Variants in ACOT11 observed in about 807,000 individuals in gnomAD.
ACOT11 encodes the protein acyl-CoA thioesterase 11.
ACOT11 carries 69 observed loss-of-function variants against 77.5 expected under a neutral mutation model. That is an observed-to-expected ratio of 0.89 (90% CI 0.73 to 1.09). ACOT11 has a LOEUF of 1.09. ACOT11 is among the 50% of genes least tolerant of loss of function. The pLI is 0.00. For missense variants in ACOT11, 766 were observed against 813.7 expected (o/e 0.94, Z 0.71); for synonymous variants, 279 against 313.0 (o/e 0.89, Z 1.15).
chr1:54,584,718 A>C lies in ACOT11; in HGVS notation c.97A>C (p.Ser33Arg), dbSNP rs1425813385. The change falls in exon 2 of 16, where the codon AGT becomes CGT. Residue 33 changes from serine (S) to arginine (R), a missense_variant. Ser to Arg is a moderately radical substitution (Grantham distance 110). Transcript: ENST00000343744. The surrounding 1 kb of genome is among the most constrained non-coding windows in gnomAD (Gnocchi z 6.3). ...RKSALRAGND[S>R]AMADGEGYRN... ...GTCAGCCTTACGTGCGGGGAACGAC[A>C]GTGCCATGGCAGACGGCGAGGGATA... The C allele has an allele frequency of 6.2e-7, 1 of 1,614,204 alleles. No homozygotes were observed. Among genetic ancestry groups the C allele is most frequent in the Admixed American group, 1.7e-5 (1 of 60,028 alleles).
intron 13 of ACOT11, 45 bp downstream of exon 13, chr1:54,605,254 T>C (rs1473581489): frequency 6.3e-7 from 1 of 1,596,198 alleles, no homozygotes; most frequent in South Asian, 1.1e-5. Flanking sequence ...TTCTCCGGCC[T>C]GATGAGGGAG....
At chr1:54,585,741 GC>G (rs1194750654) in intron 2 of ACOT11, 93 bp from the exon 3 acceptor site, 11 of 1,313,634 alleles carry the variant, frequency 8.4e-6, no homozygotes, top group Non-Finnish European at 1.2e-5. Flanking sequence ...CTTGGCTTGG[GC>G]GGCTGGAGAA....
chr1:54,621,447 ACT>A (rs966631935), intron 15 of ACOT11: 6 of 152,114 alleles, frequency 3.9e-5, no homozygotes, highest in Non-Finnish European at 7.3e-5. Context: ...ACAGAGCAAG[ACT>A]CTGTCTCAAA....
chr1:54,562,633 GC>G (rs1275094236), intron 1 of ACOT11, among the ~76,000 whole-genome samples: 2 of 142,674 alleles, frequency 1.4e-5, no homozygotes, highest in Admixed American at 1.4e-4. Context: ...GGGCGGAGGG[GC>G]TCCTCACTTC....
intron 1 of ACOT11, among the ~76,000 whole-genome samples, chr1:54,561,695 C>T (rs1653494380): frequency 7.6e-6 from 1 of 132,446 alleles, no homozygotes; most frequent in Non-Finnish European, 1.6e-5. Context: ...AGAGGCGCCC[C>T]TCACCTCCCG....
chr1:54,574,798 C>T (rs751230677), intron 1 of ACOT11, among the ~76,000 whole-genome samples: 12 of 152,206 alleles, frequency 7.9e-5, no homozygotes, highest in African/African-American at 1.7e-4. Context: ...TGAGAACAAA[C>T]GCTGCTAGAG....
At chr1:54,610,596 C>T, downstream of ACOT11, 1 of 1,596,444 alleles carries the variant, frequency 6.3e-7, no homozygotes. Context: ...GGCTGCCATT[C>T]ACAGAACACC....
chr1:54,557,780 C>CT (rs1434381634), intron 1 of ACOT11, among the ~76,000 whole-genome samples: 3 of 152,032 alleles, frequency 2.0e-5, no homozygotes, highest in Admixed American at 6.6e-5. Context: ...TTAGTGGAGG[C>CT]TTTAGGGTTT....
intron 3 of ACOT11, among the ~76,000 whole-genome samples, chr1:54,587,990 A>G (rs1654567354): frequency 6.6e-6 from 1 of 152,094 alleles, no homozygotes; most frequent in Admixed American, 6.5e-5. Flanking sequence ...AGGCAGGCAG[A>G]TTACTTGAGC....
exon 17 of ACOT11, chr1:54,638,815 C>T (rs528849250): frequency 6.6e-6 from 1 of 152,124 alleles, no homozygotes; most frequent in South Asian, 2.1e-4. Context: ...TGTGCTCAGC[C>T]CATTTTTTAT....
At chr1:54,600,615 G>A (rs150379063) in intron 8 of ACOT11, among the ~76,000 whole-genome samples, 157 of 152,250 alleles carry the variant, frequency 1.0e-3, no homozygotes, top group African/African-American at 3.6e-3. Context: ...TCCAAGAGGC[G>A]GAGGTTGCAG....
At chr1:54,603,511 T>C (rs564361445) in intron 10 of ACOT11, among the ~76,000 whole-genome samples, 18 of 152,300 alleles carry the variant, frequency 1.2e-4, no homozygotes, top group African/African-American at 4.1e-4. Flanking sequence ...TGCCAAGCAC[T>C]GTTATTGTGA....
rs1420499292 is a variant in ACOT11, at chr1:54,584,993, C to A, written c.241+131C>A. The A allele has an allele frequency of 9.8e-7, 1 of 1,023,888 alleles. No individual in the cohort carries two copies. Among genetic ancestry groups the A allele is most frequent in the Non-Finnish European group, 1.4e-6 (1 of 711,386 alleles). 63.4% of individuals were successfully genotyped at this position (1,023,888 alleles called of 1,614,324 possible). The stretch of plus-strand genomic sequence containing the variant: ...CATCTTGGCCTTTGCTCATGCTGGT[C>A]CCTTTGTCTGAAATGCCCTTCCTGA... On this transcript the variant is annotated intron_variant, in intron 2 of 15. Transcript: ENST00000343744. This position sits in a 1 kb window ranked among gnomAD's most constrained non-coding sequence, Gnocchi z 6.3.
rs180993014 is a variant in ACOT11, at chr1:54,634,927, A to G, written c.*198A>G. 217 of 513,350 alleles carry G rather than the reference A, an allele frequency of 4.2e-4. 2 individuals are homozygous for G. The highest frequency in any genetic ancestry group is 3.8e-3 in the African/African-American group (197 of 51,520). The allele number at this position is 513,350 out of a possible 1,614,324, so 31.8% of individuals were successfully genotyped here. A position where few individuals can be genotyped will look rare whatever the true frequency, so the allele number is the denominator to read the frequency against. ...AAGAAAACCTGAGGAAAGCGGGACAACCAGTCACAATGAATAATTTAATGG... is the reference window on the plus strand; with the variant it reads ...AAGAAAACCTGAGGAAAGCGGGACAGCCAGTCACAATGAATAATTTAATGG... On this transcript the variant is annotated 3_prime_UTR_variant, in exon 17 of 17. Transcript: ENST00000371316.
At chr1:54,599,634 G>A in intron 8 of ACOT11, 1 of 352,546 alleles carries the variant, frequency 2.8e-6, no homozygotes, top group Non-Finnish European at 4.8e-6. Context: ...GCTGGGTCAG[G>A]GACCCCTCCT....
Position 54,607,813 on chromosome 1 carries a change from G to A in ACOT11, c.1503-129G>A, listed in dbSNP as rs1644047020. On this transcript the variant is annotated intron_variant, in intron 14 of 15. Transcript: ENST00000343744. The surrounding 1 kb of genome is among the most constrained non-coding windows in gnomAD (Gnocchi z 4.5). ...CCGCATTGGGGCTTTAAGAGTCGAT[G>A]TGCCTTGCATCCCCCTGGTGAGGAA... 1.6e-6 allele frequency: 2 copies of A among 1,263,326 alleles called. No homozygotes were observed. Among genetic ancestry groups the A allele is most frequent in the Middle Eastern group, 4.7e-4 (2 of 4,212 alleles). The allele number at this position is 1,263,326 out of a possible 1,614,324, so 78.3% of individuals were successfully genotyped here.
chr1:54,584,634 C>T lies in ACOT11; in HGVS notation c.34-21C>T. On this transcript the variant is annotated intron_variant, in intron 1 of 15. Transcript: ENST00000343744. The surrounding 1 kb of genome is among the most constrained non-coding windows in gnomAD (Gnocchi z 6.3). ...AGCAAGCAGACCTCTCTGTCCCCAC[C>T]TGTCCCCACCTGTACCCCAGGGCTT... 1 of 1,608,052 alleles carries T rather than the reference C, an allele frequency of 6.2e-7. No homozygotes were observed. The highest frequency in any genetic ancestry group is 8.5e-7 in the Non-Finnish European group (1 of 1,178,032).
At chr1:54,608,186 CCCTT>C in intron 15 of ACOT11, 118 bp downstream of exon 15, 2 of 942,684 alleles carry the variant, frequency 2.1e-6, no homozygotes, top group Non-Finnish European at 3.1e-6. Context: ...AGCAGGCTCC[CCCTT>C]CCAGCCTGGG....
At chr1:54,551,574 C>T (rs1044320205) in intron 1 of ACOT11, among the ~76,000 whole-genome samples, 9 of 152,098 alleles carry the variant, frequency 5.9e-5, no homozygotes, top group African/African-American at 1.7e-4. Context: ...CTGGTGCCCT[C>T]GTAGGAGGTG....
Sources: allele counts gnomAD v4.1 joint callset (sites outside exome capture counted in the v4.1 genomes callset), GRCh38; gene constraint gnomAD v4.1.1; non-coding constraint Gnocchi (gnomAD v3.1); transcripts MANE v1.5; gene names NCBI Gene and HGNC (gene_info 2026-07-23, HGNC 2026-07-21).